YES1: variants seen among roughly 807,000 people sequenced by gnomAD.
YES1 encodes YES proto-oncogene 1, Src family tyrosine kinase.
YES1 carries 39 observed loss-of-function variants against 70.4 expected under a neutral mutation model. The observed-to-expected ratio is 0.55, with a 90% CI of 0.43 to 0.72. The LOEUF (loss-of-function observed/expected upper bound fraction) is 0.72. YES1 is among the 30% of genes least tolerant of loss of function. The pLI is 0.00. For missense variants in YES1, 495 were observed against 644.8 expected (o/e 0.77, Z 2.52); for synonymous variants, 198 against 218.6 (o/e 0.91, Z 0.83).
chr18:804,791 G>A (rs1324395507), intron 1 of YES1, among the ~76,000 whole-genome samples: 1 of 150,476 alleles, frequency 6.6e-6, no homozygotes, highest in Non-Finnish European at 1.5e-5. Context: ...GCACACGCCT[G>A]TAATCCCAGC....
intron 1 of YES1, among the ~76,000 whole-genome samples, chr18:777,561 C>T (rs1170358328): frequency 1.3e-5 from 2 of 152,126 alleles, no homozygotes; most frequent in Non-Finnish European, 2.9e-5. Context: ...AATCCCAACA[C>T]TTTGGGAGGC....
At chr18:797,696 A>T (rs570580429) in intron 1 of YES1, among the ~76,000 whole-genome samples, 3 of 152,346 alleles carry the variant, frequency 2.0e-5, no homozygotes, top group African/African-American at 7.2e-5. Context: ...TTTTTAACAA[A>T]CTTTAAAAAT....
At chr18:796,009 A>G (rs959081121) in intron 1 of YES1, among the ~76,000 whole-genome samples, 1 of 152,164 alleles carries the variant, frequency 6.6e-6, no homozygotes, top group Non-Finnish European at 1.5e-5. Context: ...GATATAAAAG[A>G]CAATCTCAAA....
chr18:740,803 A>G (rs577136951), intron 8 of YES1, among the ~76,000 whole-genome samples: 4 of 152,348 alleles, frequency 2.6e-5, no homozygotes, highest in Non-Finnish European at 4.4e-5. Flanking sequence ...ATGTTCTCCC[A>G]ATTAAATAAT....
intron 1 of YES1, among the ~76,000 whole-genome samples, chr18:783,390 AACACAC>A (rs34769090): frequency 2.0e-5 from 3 of 149,890 alleles, no homozygotes; most frequent in African/African-American, 7.3e-5. Flanking sequence ...ATGTAGGGGA[AACACAC>A]ACACACACAC....
chr18:775,506 T>C (rs936185928), intron 1 of YES1, among the ~76,000 whole-genome samples: 1 of 152,100 alleles, frequency 6.6e-6, no homozygotes, highest in Non-Finnish European at 1.5e-5. Flanking sequence ...TTCTCATAAA[T>C]GGAATCACGG....
At chr18:745,350 CT>C (rs1377320031) in intron 6 of YES1, among the ~76,000 whole-genome samples, 1 of 152,116 alleles carries the variant, frequency 6.6e-6, no homozygotes, top group Non-Finnish European at 1.5e-5. Flanking sequence ...GAAGGTAATC[CT>C]TCTGACATAG....
chr18:728,371 C>T (rs549432702), intron 11 of YES1, among the ~76,000 whole-genome samples: 1 of 151,970 alleles, frequency 6.6e-6, no homozygotes, highest in South Asian at 2.1e-4. Flanking sequence ...ATACATATAG[C>T]CTGAAGGTAA....
chr18:729,199 T>C (rs1246027478), intron 11 of YES1, among the ~76,000 whole-genome samples: 5 of 152,168 alleles, frequency 3.3e-5, no homozygotes, highest in African/African-American at 7.2e-5. Flanking sequence ...AATCTTGTCT[T>C]CTATTATGCC....
intron 1 of YES1, among the ~76,000 whole-genome samples, chr18:786,519 A>ACACG (rs1016919305): frequency 6.6e-6 from 1 of 151,702 alleles, no homozygotes; most frequent in African/African-American, 2.4e-5. Context: ...ACACACACAC[A>ACACG]CACACACACA....
At chr18:794,757 C>T (rs1906452217) in intron 1 of YES1, among the ~76,000 whole-genome samples, 1 of 152,156 alleles carries the variant, frequency 6.6e-6, no homozygotes, top group Admixed American at 6.5e-5. Context: ...CAATTTCTGC[C>T]TCTGTTGTCA....
At chr18:805,434 T>C (rs1417415924) in intron 1 of YES1, among the ~76,000 whole-genome samples, 3 of 152,230 alleles carry the variant, frequency 2.0e-5, no homozygotes, top group Admixed American at 6.5e-5. Context: ...GAAACTTCCT[T>C]AGGCAGAGCA....
In YES1 at chr18:724,645, A is replaced by T. The variant is rs749541286; in HGVS notation, c.1424-13T>A. 18 of 1,608,396 alleles carry T rather than the reference A, an allele frequency of 1.1e-5. 1 individual carries two copies. The South Asian group carries it at 2.0e-4, about 18-fold the overall frequency. On this transcript the variant is annotated splice_polypyrimidine_tract_variant and intron_variant, in intron 11 of 11. Coordinates refer to ENST00000314574, the MANE Select transcript of YES1 (RefSeq NM_005433.4). ...CGGTTCACCATACCTAATACACAAG[A>T]TTAAAACATTAAAGAACAATGGTCC...
intron 1 of YES1, among the ~76,000 whole-genome samples, chr18:769,985 C>T (rs1380274155): frequency 2.1e-5 from 3 of 145,404 alleles, no homozygotes; most frequent in Admixed American, 7.2e-5. Flanking sequence ...CGGAGTCTTG[C>T]TCTATCGCCC....
In YES1 at chr18:755,393, T is replaced by C. The variant is rs529380484; in HGVS notation, c.271+1164A>G. 1.2e-4 allele frequency among the ~76,000 whole-genome samples: 18 copies of C among 152,084 alleles called. 1 individual carries two copies. The highest frequency in any genetic ancestry group is 1.0e-3 in the South Asian group (5 of 4,806). On this transcript the variant is annotated intron_variant, in intron 2 of 11. Transcript: ENST00000314574. ...CCTCCCGAGTAGCTGGGACTACAGG[T>C]GCGCAACACCACACCTGGCTAATTT...
intron 1 of YES1, among the ~76,000 whole-genome samples, chr18:762,383 A>G (rs575310492): frequency 2.6e-5 from 4 of 152,300 alleles, no homozygotes; most frequent in African/African-American, 7.2e-5. Flanking sequence ...TACCTGTTGG[A>G]TATTACACTG....
chr18:757,684 T>C (rs1216722072), intron 1 of YES1, among the ~76,000 whole-genome samples: 1 of 151,592 alleles, frequency 6.6e-6, no homozygotes, highest in Non-Finnish European at 1.5e-5. Flanking sequence ...TAGCTGGGCG[T>C]GGTGGTGCAC....
At chr18:755,251 CT>C (rs780424527) in intron 2 of YES1, among the ~76,000 whole-genome samples, 2,352 of 141,580 alleles carry the variant, frequency 0.017, 37 homozygotes, top group African/African-American at 0.053. Context: ...TGGCCATTGC[CT>C]TTTTTTTTTT....
intron 1 of YES1, among the ~76,000 whole-genome samples, chr18:792,263 C>A (rs1906289506): frequency 6.6e-6 from 1 of 151,934 alleles, no homozygotes. Flanking sequence ...GAGATTGTGC[C>A]ACTGTACTCC....
Sources: gnomAD v4.1 joint callset for allele counts (sites outside exome capture counted in the v4.1 genomes callset) on GRCh38, gnomAD v4.1.1 for gene constraint, MANE v1.5 for transcripts, NCBI Gene and HGNC (gene_info 2026-07-23, HGNC 2026-07-21) for gene names.